The following MIER1 variants were observed in gnomAD, a reference collection of about 807,000 sequenced individuals.
MIER1 encodes mesoderm induction early response protein 1.
MIER1 carries 40 observed loss-of-function variants against 75.7 expected under a neutral mutation model. That is an observed-to-expected ratio of 0.53 (90% CI 0.41 to 0.69). The LOEUF is 0.69. Ranked by LOEUF, MIER1 falls within the 30% of genes least tolerant of loss-of-function variation. The probability of loss-of-function intolerance (pLI) is 0.00; values close to 1 mark genes in which losing one functional copy is unlikely to be tolerated. For synonymous variants in MIER1, 213 were observed against 223.4 expected (o/e 0.95, Z 0.42); for missense variants, 574 against 680.2 (o/e 0.84, Z 1.74).
chr1:66,955,485 G>T (rs1257303974), intron 4 of MIER1, among the ~76,000 whole-genome samples: 3 of 151,764 alleles, frequency 2.0e-5, no homozygotes, highest in Admixed American at 6.6e-5. Flanking sequence ...CAGACCAATC[G>T]TAGAGAGCCT....
chr1:66,973,010 T>C lies in MIER1; in HGVS notation c.1101+19T>C. 7.0e-7 allele frequency: 1 copy of C among 1,427,684 alleles called. No homozygotes were observed. Among genetic ancestry groups the C allele is most frequent in the Non-Finnish European group, 9.9e-7 (1 of 1,015,168 alleles). 88.4% of individuals were successfully genotyped at this position (1,427,684 alleles called of 1,614,324 possible). ...TAATAAAGTAAGTAATGATAATCTCTTTTTTGCAAAAAGAAATTTAGTTGA... is the reference window on the plus strand; with the variant it reads ...TAATAAAGTAAGTAATGATAATCTCCTTTTTGCAAAAAGAAATTTAGTTGA... On this transcript the variant is annotated intron_variant, in intron 11 of 13. Coordinates refer to ENST00000401041, the MANE Select transcript of MIER1 (RefSeq NM_001077700.3).
At chr1:66,976,447 C>G in intron 11 of MIER1, 148 bp from the exon 12 acceptor site, 2 of 542,550 alleles carry the variant, frequency 3.7e-6, no homozygotes, top group Non-Finnish European at 6.0e-6. Context: ...GAATAGCTTT[C>G]AACATAGCTG....
intron 2 of MIER1, among the ~76,000 whole-genome samples, chr1:66,937,414 G>A (rs1333832411): frequency 6.6e-6 from 1 of 152,004 alleles, no homozygotes; most frequent in Non-Finnish European, 1.5e-5. Flanking sequence ...TGGTGAAACC[G>A]TCTCTATTAA....
intron 12 of MIER1, among the ~76,000 whole-genome samples, chr1:66,979,110 A>T (rs1322298974): frequency 6.6e-6 from 1 of 151,500 alleles, no homozygotes; most frequent in African/African-American, 2.4e-5. Context: ...TTTTTTTTAT[A>T]AAGTTTATTT....
At chr1:66,934,405 C>CTTTTTT (rs34839262) in intron 2 of MIER1, among the ~76,000 whole-genome samples, 8 of 135,490 alleles carry the variant, frequency 5.9e-5, no homozygotes, top group East Asian at 2.1e-4. Context: ...TTCTTTCTTT[C>CTTTTTT]TTTTTTTTTT....
chr1:66,980,095 C>T (rs1665585592), intron 12 of MIER1, among the ~76,000 whole-genome samples: 1 of 152,176 alleles, frequency 6.6e-6, no homozygotes, highest in South Asian at 2.1e-4. Context: ...TTCATATTAT[C>T]CATTCCCACT....
At chr1:66,930,381 G>C (rs778500934) in intron 2 of MIER1, 1 of 1,608,434 alleles carries the variant, frequency 6.2e-7, no homozygotes, top group South Asian at 1.1e-5. Context: ...TGACCCGGCA[G>C]TACGGCAAAT....
chr1:66,961,171 G>T (rs1053656024), intron 7 of MIER1, among the ~76,000 whole-genome samples: 2 of 151,978 alleles, frequency 1.3e-5, no homozygotes, highest in African/African-American at 2.4e-5. Context: ...CTTTCAGTAT[G>T]ATTTTGTTGT....
intron 3 of MIER1, among the ~76,000 whole-genome samples, chr1:66,944,313 T>G (rs1379801363): frequency 6.6e-6 from 1 of 151,944 alleles, no homozygotes; most frequent in Non-Finnish European, 1.5e-5. Flanking sequence ...TAAAAATTGT[T>G]AATTTTTTCA....
In MIER1 at chr1:66,925,130, C is replaced by T; in HGVS notation, c.67+35C>T. On this transcript the variant is annotated intron_variant, in intron 1 of 13. Transcript: ENST00000401041. ...GCCTCCACAAGCCATCTCTCCCCTT[C>T]TATTCCAGTTTGGGATGAGGGGCTC... 4 of 1,540,554 alleles carry T rather than the reference C, an allele frequency of 2.6e-6. No individual in the cohort carries two copies. In the South Asian group the frequency reaches 3.6e-5, roughly 14 times the overall value.
rs760776264 is a variant in MIER1 at position 66,970,793 on chromosome 1, CT to C, written c.773-11del. ...TTTTTAGAAATTTGTTTAACATTGT[CT>C]TTTACTAATTTAGTATATGAAAATG... On this transcript the variant is annotated splice_polypyrimidine_tract_variant and intron_variant, in intron 8 of 13. Coordinates refer to ENST00000401041, the MANE Select transcript of MIER1 (RefSeq NM_001077700.3). The C allele has an allele frequency of 6.6e-7, 1 of 1,524,954 alleles. No individual in the cohort carries two copies. Among genetic ancestry groups the C allele is most frequent in the Non-Finnish European group, 8.8e-7 (1 of 1,141,490 alleles). 94.5% of individuals were successfully genotyped at this position (1,524,954 alleles called of 1,614,324 possible).
chr1:66,970,003 ACT>A (rs1305771882), intron 8 of MIER1, among the ~76,000 whole-genome samples: 1 of 151,414 alleles, frequency 6.6e-6, no homozygotes, highest in Admixed American at 6.6e-5. Context: ...TCTTTGAAAC[ACT>A]CTCTTCCCTT....
chr1:66,948,645 T>C, intron 4 of MIER1, among the ~76,000 whole-genome samples: 1 of 152,208 alleles, frequency 6.6e-6, no homozygotes. Context: ...GTAATCTCAG[T>C]ACTTCAGAAG....
chr1:66,963,301 T>A, intron 8 of MIER1, 141 bp downstream of exon 8: 1 of 527,000 alleles, frequency 1.9e-6, no homozygotes, highest in South Asian at 3.1e-5. Context: ...AAGAGGACCC[T>A]TCATTATTTC....
intron 2 of MIER1, among the ~76,000 whole-genome samples, chr1:66,935,753 A>G (rs1261568412): frequency 6.6e-6 from 1 of 152,096 alleles, no homozygotes; most frequent in Non-Finnish European, 1.5e-5. Context: ...ATTCCATATT[A>G]TTTCATATTC....
chr1:66,954,542 G>A (rs977623646), intron 4 of MIER1, among the ~76,000 whole-genome samples: 3 of 152,062 alleles, frequency 2.0e-5, no homozygotes, highest in Non-Finnish European at 4.4e-5. Flanking sequence ...GCTCTGACTT[G>A]AATGACTTTT....
chr1:66,965,774 C>A (rs1010206622), intron 8 of MIER1, among the ~76,000 whole-genome samples: 1 of 152,090 alleles, frequency 6.6e-6, no homozygotes, highest in African/African-American at 2.4e-5. Context: ...TTTTTTTGTA[C>A]CCATTAACCA....
At chr1:66,976,768 G>T in intron 12 of MIER1, 46 bp downstream of exon 12, 1 of 1,429,638 alleles carries the variant, frequency 7.0e-7, no homozygotes. Context: ...TTTTTGCTAA[G>T]CTTTTCTAGA....
At position 66,976,739 on chromosome 1, in the gene MIER1, C is replaced by T. The variant is rs891952542; in HGVS notation, c.1229+17C>T. The T allele has an allele frequency of 1.9e-6, 3 of 1,561,712 alleles. No homozygotes were observed. In the African/African-American group the frequency reaches 4.1e-5, roughly 22 times the overall value. On this transcript the variant is annotated intron_variant, in intron 12 of 13. Coordinates refer to ENST00000401041, the MANE Select transcript of MIER1 (RefSeq NM_001077700.3). Reference sequence around the variant, plus strand: ...TGGTGTAACGTGAGTTAATTTTTTCCTTAAGAGCTATATATACATTTTTGC... The same window carrying T: ...TGGTGTAACGTGAGTTAATTTTTTCTTTAAGAGCTATATATACATTTTTGC...
Sources: gnomAD v4.1 joint callset for allele counts (sites outside exome capture counted in the v4.1 genomes callset) on GRCh38, gnomAD v4.1.1 for gene constraint, MANE v1.5 for transcripts, NCBI Gene and HGNC (gene_info 2026-07-23, HGNC 2026-07-21) for gene names.